ZFR: variants seen among roughly 807,000 people sequenced by gnomAD.
The protein encoded by ZFR is zinc finger RNA-binding protein.
A neutral mutation model predicts 130.7 loss-of-function variants in ZFR; 19 were observed. The ratio of observed to expected loss-of-function variants is 0.15; its 90% confidence interval spans 0.10 to 0.21. The LOEUF (loss-of-function observed/expected upper bound fraction) is 0.21. Ranked by LOEUF, ZFR falls within the 10% of genes least tolerant of loss-of-function variation. The pLI, the probability that ZFR is intolerant of heterozygous loss-of-function variation, is 1.00. For synonymous variants in ZFR, 466 were observed against 456.9 expected (o/e 1.02, Z -0.25); for missense variants, 872 against 1,321.5 (o/e 0.66, Z 5.27).
chr5:32,438,194 A>G (rs904561790), intron 2 of ZFR, among the ~76,000 whole-genome samples: 14 of 150,976 alleles, frequency 9.3e-5, no homozygotes, highest in Non-Finnish European at 1.9e-4. Context: ...GACTTATTTG[A>G]AATTTAATAA....
chr5:32,411,709 A>AGGGGGGGG (rs201115882), intron 5 of ZFR, among the ~76,000 whole-genome samples: 4 of 73,102 alleles, frequency 5.5e-5, no homozygotes, highest in African/African-American at 1.4e-4. Flanking sequence ...AAAAAAATTG[A>AGGGGGGGG]GGGGGGGCGG....
At chr5:32,423,510 CAAG>C (rs1193569355) in intron 2 of ZFR, among the ~76,000 whole-genome samples, 2 of 151,704 alleles carry the variant, frequency 1.3e-5, no homozygotes, top group Non-Finnish European at 1.5e-5. Context: ...ATCTATAAAA[CAAG>C]AACTTTATAC....
At chr5:32,393,436 C>T (rs752142868) in intron 11 of ZFR, among the ~76,000 whole-genome samples, 42 of 151,950 alleles carry the variant, frequency 2.8e-4, no homozygotes, top group Non-Finnish European at 5.3e-4. Flanking sequence ...CTCCTCTTCC[C>T]GGGTTCAAGC....
intron 19 of ZFR, among the ~76,000 whole-genome samples, chr5:32,356,178 TTAAC>T (rs1400640641): frequency 6.6e-6 from 1 of 152,030 alleles, no homozygotes; most frequent in Non-Finnish European, 1.5e-5. Context: ...CCAAAAAACT[TTAAC>T]ACACACACAA....
chr5:32,389,152 C>T (rs1033261371), intron 12 of ZFR, among the ~76,000 whole-genome samples: 1 of 152,190 alleles, frequency 6.6e-6, no homozygotes, highest in Non-Finnish European at 1.5e-5. Context: ...TACCCAGCTT[C>T]TGCATCTCTC....
chr5:32,364,888 T>A (rs981023513), intron 17 of ZFR: 2 of 152,346 alleles, frequency 1.3e-5, no homozygotes, highest in Non-Finnish European at 2.9e-5. Flanking sequence ...ACTGTACAAT[T>A]CAGTAGTTTT....
chr5:32,414,502 A>G (rs1158873311), intron 5 of ZFR, among the ~76,000 whole-genome samples: 1 of 152,246 alleles, frequency 6.6e-6, no homozygotes, highest in Non-Finnish European at 1.5e-5. Flanking sequence ...GTGTTACATA[A>G]CCACCATCTT....
At chr5:32,423,056 A>G (rs1369671170) in intron 2 of ZFR, among the ~76,000 whole-genome samples, 3 of 152,106 alleles carry the variant, frequency 2.0e-5, no homozygotes, top group Admixed American at 6.5e-5. Flanking sequence ...GCTTAAAAAA[A>G]TAACAGTCAA....
intron 6 of ZFR, among the ~76,000 whole-genome samples, 155 bp from the exon 7 acceptor site, chr5:32,404,252 GAC>G (rs1223851096): frequency 6.6e-6 from 1 of 152,160 alleles, no homozygotes; most frequent in Non-Finnish European, 1.5e-5. Flanking sequence ...TTACATATGT[GAC>G]ATATCTATGG....
At chr5:32,407,047 TTA>T (rs1276087533) in intron 5 of ZFR, 26 bp from the exon 6 acceptor site, 1 of 1,441,898 alleles carries the variant, frequency 6.9e-7, no homozygotes, top group Non-Finnish European at 9.1e-7. Flanking sequence ...CAAACAAAAA[TTA>T]TGTTACATAC....
At chr5:32,393,090 T>C (rs1753218779) in intron 11 of ZFR, among the ~76,000 whole-genome samples, 1 of 152,230 alleles carries the variant, frequency 6.6e-6, no homozygotes, top group Non-Finnish European at 1.5e-5. Context: ...ACATGTGTTA[T>C]TCACCACATA....
intron 6 of ZFR, among the ~76,000 whole-genome samples, chr5:32,404,323 T>C (rs1753532239): frequency 6.6e-6 from 1 of 152,226 alleles, no homozygotes; most frequent in Non-Finnish European, 1.5e-5. Flanking sequence ...AGTACTTTCA[T>C]ATATAGCCAT....
At chr5:32,418,917 T>C (rs1436687865) in intron 3 of ZFR, among the ~76,000 whole-genome samples, 2 of 152,224 alleles carry the variant, frequency 1.3e-5, no homozygotes, top group African/African-American at 4.8e-5. Flanking sequence ...TCAAACATAA[T>C]AAGGAGAATG....
intron 17 of ZFR, among the ~76,000 whole-genome samples, chr5:32,377,911 C>T (rs1020767150): frequency 1.3e-5 from 2 of 151,432 alleles, no homozygotes; most frequent in South Asian, 2.1e-4. Context: ...AGGCTGGTCT[C>T]GAACTCCTGA....
chr5:32,444,099 G>C, intron 2 of ZFR, 130 bp downstream of exon 2: 1 of 937,756 alleles, frequency 1.1e-6, no homozygotes, highest in Non-Finnish European at 1.4e-6. Flanking sequence ...CCGCCGGGCT[G>C]GGCCGGGCCA....
intron 12 of ZFR, 101 bp downstream of exon 12, chr5:32,390,174 C>T: frequency 7.0e-7 from 1 of 1,425,338 alleles, no homozygotes; most frequent in Non-Finnish European, 9.4e-7. Context: ...ACCAAGATTA[C>T]AAGATTATTA....
Position 32,387,146 on chromosome 5 carries a change from T to C in ZFR, c.2499+403A>G, listed in dbSNP as rs1753060979. ...ACACTATTTTAGTTACTACATTTTA[T>C]TAAAAGCATTAAACTAAATAGGCAA... On this transcript the variant is annotated intron_variant, in intron 14 of 19. Coordinates refer to ENST00000265069, the MANE Select transcript of ZFR (RefSeq NM_016107.5). 2.6e-5 allele frequency among the ~76,000 whole-genome samples: 4 copies of C among 152,014 alleles called. No homozygotes were observed. In the South Asian group the frequency reaches 8.3e-4, roughly 31 times the overall value.
intron 2 of ZFR, among the ~76,000 whole-genome samples, chr5:32,426,167 T>C (rs1754068328): frequency 6.6e-6 from 1 of 152,192 alleles, no homozygotes; most frequent in Admixed American, 6.5e-5. Context: ...CACTAGTAAG[T>C]GGCAGAGTAA....
intron 11 of ZFR, among the ~76,000 whole-genome samples, chr5:32,394,852 G>A (rs1753265461): frequency 6.6e-6 from 1 of 152,084 alleles, no homozygotes; most frequent in African/African-American, 2.4e-5. Context: ...ATCAGGAAAT[G>A]TATGTCTATT....
Sources: allele counts gnomAD v4.1 joint callset (sites outside exome capture counted in the v4.1 genomes callset), GRCh38; gene constraint gnomAD v4.1.1; transcripts MANE v1.5; gene names NCBI Gene and HGNC (gene_info 2026-07-23, HGNC 2026-07-21).